ZNF112: variants seen among roughly 807,000 people sequenced by gnomAD.
ZNF112 encodes zinc finger protein 112 (Y14).
ZNF112 carries 37 observed loss-of-function variants against 77.7 expected under a neutral mutation model. The observed-to-expected ratio is 0.48, with a 90% CI of 0.37 to 0.63. ZNF112 has a LOEUF of 0.63. Among genes scored for constraint, ZNF112 ranks in the 20% least tolerant of loss-of-function variants. The pLI, the probability that ZNF112 is intolerant of heterozygous loss-of-function variation, is 0.00. For missense variants in ZNF112, 950 were observed against 1,077.4 expected, an observed-to-expected ratio of 0.88 and a Z score of 1.66; for synonymous variants, 333 against 363.6, an observed-to-expected ratio of 0.92 and a Z score of 0.96.
At chr19:44,330,668 A>G (rs1268909119) in intron 3 of ZNF112, among the ~76,000 whole-genome samples, 4 of 152,182 alleles carry the variant, frequency 2.6e-5, no homozygotes, top group Non-Finnish European at 5.9e-5. Context: ...CCCATGAGGC[A>G]GAGGTTGCAG....
At chr19:44,334,553 C>T (rs1970330031) in intron 3 of ZNF112, among the ~76,000 whole-genome samples, 3 of 152,234 alleles carry the variant, frequency 2.0e-5, no homozygotes, top group Admixed American at 2.0e-4. Context: ...GTCCCTCCTA[C>T]CACAGGCCTG....
At chr19:44,335,604 G>A (rs971638089) in intron 3 of ZNF112, among the ~76,000 whole-genome samples, 6 of 152,242 alleles carry the variant, frequency 3.9e-5, no homozygotes, top group Admixed American at 2.6e-4. Flanking sequence ...AGCCAAGAAC[G>A]CTTTCTACAT....
chr19:44,332,981 G>A (rs866877033), intron 3 of ZNF112, among the ~76,000 whole-genome samples: 1 of 152,128 alleles, frequency 6.6e-6, no homozygotes, highest in South Asian at 2.1e-4. Flanking sequence ...TGGTAGAATG[G>A]TAATAAGAAA....
upstream of ZNF112, among the ~76,000 whole-genome samples, chr19:44,356,841 C>T (rs1354921341): frequency 5.3e-5 from 8 of 152,166 alleles, no homozygotes. Context: ...CTGCCTAGGA[C>T]GCAAGTACCG....
chr19:44,357,735 C>G (rs1282689636), upstream of ZNF112, among the ~76,000 whole-genome samples: 1 of 152,128 alleles, frequency 6.6e-6, no homozygotes, highest in Non-Finnish European at 1.5e-5. Context: ...AGGGATAAGT[C>G]TCTTGTAAAA....
chr19:44,337,014 A>G (rs1970381733), intron 2 of ZNF112, among the ~76,000 whole-genome samples: 1 of 151,248 alleles, frequency 6.6e-6, no homozygotes, highest in Non-Finnish European at 1.5e-5. Flanking sequence ...AGTAGCCGGG[A>G]CCATGGGTGT....
chr19:44,352,208 CA>C (rs1165346981), intron 1 of ZNF112, among the ~76,000 whole-genome samples: 2 of 151,714 alleles, frequency 1.3e-5, no homozygotes, highest in African/African-American at 4.8e-5. Context: ...AAATGTACAC[CA>C]AAAAGAATAA....
At chr19:44,365,468 T>TTACA (rs1351431720) in intron 1 of ZNF112, among the ~76,000 whole-genome samples, 1 of 106,136 alleles carries the variant, frequency 9.4e-6, no homozygotes, top group Non-Finnish European at 2.4e-5. Context: ...TCAAAAAAAA[T>TTACA]TATATATATA....
chr19:44,358,284 A>G (rs1970818525), upstream of ZNF112, among the ~76,000 whole-genome samples: 1 of 151,830 alleles, frequency 6.6e-6, no homozygotes, highest in Non-Finnish European at 1.5e-5. Context: ...ATAATAGGGG[A>G]TTTTTTTTTA....
intron 1 of ZNF112, among the ~76,000 whole-genome samples, chr19:44,349,436 G>C (rs2123201195): frequency 6.6e-6 from 1 of 152,132 alleles, no homozygotes; most frequent in Non-Finnish European, 1.5e-5. Flanking sequence ...TTTTGTGAAT[G>C]AATTAGATGG....
chr19:44,366,245 G>A (rs892140113), intron 1 of ZNF112, among the ~76,000 whole-genome samples: 9 of 152,006 alleles, frequency 5.9e-5, no homozygotes, highest in Non-Finnish European at 1.0e-4. Context: ...TAAATCATGC[G>A]GAGAGGCTTG....
At chr19:44,336,892 A>T (rs185477642) in intron 2 of ZNF112, among the ~76,000 whole-genome samples, 174 bp from the exon 3 acceptor site, 3,082 of 148,986 alleles carry the variant, frequency 0.021, 108 homozygotes, top group African/African-American at 0.072. Context: ...TTTTTTTTTT[A>T]AATAGGCTCT....
At chr19:44,367,147 G>A (rs1314294730) in exon 1 of ZNF112, 3 of 456,108 alleles carry the variant, frequency 6.6e-6, no homozygotes, top group South Asian at 4.6e-5. Context: ...GAGGGCCGCC[G>A]CCAGGCTAAA....
intron 1 of ZNF112, among the ~76,000 whole-genome samples, chr19:44,366,206 AT>A (rs1568682550): frequency 6.6e-6 from 1 of 152,066 alleles, no homozygotes; most frequent in South Asian, 2.1e-4. Flanking sequence ...ATAAATTTAA[AT>A]TTTTTTCTTT....
At position 44,362,169 on chromosome 19, in the gene ZNF112, A is replaced by C. The variant is rs184485062; in HGVS notation, c.17+4912T>G. On this transcript the variant is annotated intron_variant, in intron 1 of 4. Coordinates refer to the ZNF112 transcript ENST00000588057. ...ATAAATAAATCATTAAGAAAGAATA[A>C]ACAATTTATCCACATGGGCAAAATC... Among the ~76,000 whole-genome samples, 799 of 152,270 alleles carry C rather than the reference A, an allele frequency of 5.2e-3. 7 individuals are homozygous for C. Among genetic ancestry groups the C allele is most frequent in the Middle Eastern group, 0.017 (5 of 294 alleles).
At chr19:44,347,562 T>C (rs955763977) in intron 1 of ZNF112, among the ~76,000 whole-genome samples, 2 of 150,144 alleles carry the variant, frequency 1.3e-5, no homozygotes, top group African/African-American at 4.9e-5. Context: ...TTTTTTTTTT[T>C]CCAGTGGTTG....
upstream of ZNF112, among the ~76,000 whole-genome samples, chr19:44,358,605 A>G (rs146675631): frequency 0.011 from 1,715 of 152,330 alleles, 21 homozygotes; most frequent in Non-Finnish European, 0.017. Flanking sequence ...GGAACAAAAG[A>G]TTCTAGCAAA....
upstream of ZNF112, among the ~76,000 whole-genome samples, chr19:44,358,469 A>G (rs1489134553): frequency 6.6e-6 from 1 of 152,188 alleles, no homozygotes; most frequent in Non-Finnish European, 1.5e-5. Context: ...ATGGTGGGCC[A>G]AAATTCAGAA....
At chr19:44,334,861 G>C (rs965115618) in intron 3 of ZNF112, among the ~76,000 whole-genome samples, 1 of 152,232 alleles carries the variant, frequency 6.6e-6, no homozygotes, top group Non-Finnish European at 1.5e-5. Flanking sequence ...TGCTGCAGGG[G>C]TGGAGCCCTC....
Sources: allele counts gnomAD v4.1 joint callset (sites outside exome capture counted in the v4.1 genomes callset), GRCh38; gene constraint gnomAD v4.1.1; transcripts MANE v1.5; gene names NCBI Gene and HGNC (gene_info 2026-07-23, HGNC 2026-07-21).